Variants in WDFY3 observed in about 807,000 individuals in gnomAD.
The protein encoded by WDFY3 is WD repeat and FYVE domain-containing protein 3.
In WDFY3, 66 loss-of-function variants were observed where a neutral mutation model predicts 409.6. The ratio of observed to expected loss-of-function variants is 0.16; its 90% CI spans 0.13 to 0.20. WDFY3 has a LOEUF of 0.20. Among genes scored for constraint, WDFY3 ranks in the 10% least tolerant of loss-of-function variants. The probability of loss-of-function intolerance (pLI) is 1.00; values close to 1 mark genes in which losing one functional copy is unlikely to be tolerated. For missense variants in WDFY3, 3,031 were observed against 4,298.1 expected (o/e 0.71, Z 8.24); for synonymous variants, 1,521 against 1,537.1 (o/e 0.99, Z 0.25).
intron 2 of WDFY3, among the ~76,000 whole-genome samples, chr4:84,908,173 C>T (rs1310121672): frequency 6.6e-6 from 1 of 152,100 alleles, no homozygotes; most frequent in Non-Finnish European, 1.5e-5. Flanking sequence ...ACTCTTGCTG[C>T]AGTATGGAAA....
At chr4:84,798,767 A>G (rs1017220329) in intron 17 of WDFY3, among the ~76,000 whole-genome samples, 4 of 152,160 alleles carry the variant, frequency 2.6e-5, no homozygotes, top group Non-Finnish European at 4.4e-5. Flanking sequence ...CAGAGTCTTA[A>G]TTACCTCCTG....
At chr4:84,761,619 A>C (rs1742609885) in intron 32 of WDFY3, among the ~76,000 whole-genome samples, 1 of 152,188 alleles carries the variant, frequency 6.6e-6, no homozygotes, top group Non-Finnish European at 1.5e-5. Flanking sequence ...AATGGGATCT[A>C]ATTAAACTAA....
Position 84,797,795 on chromosome 4 carries a change from A to T in WDFY3, c.2935+201T>A, listed in dbSNP as rs2170935. ...AGACGGGGTTTCACCATGGTCTCGA[A>T]CTCCCGACCTCGTGATCCGCCCGTC... On this transcript the variant is annotated intron_variant, in intron 18 of 67. Coordinates refer to ENST00000295888, the MANE Select transcript of WDFY3 (RefSeq NM_014991.6). 0.45 allele frequency among the ~76,000 whole-genome samples: 67,603 copies of T among 151,184 alleles called. 15,675 individuals carry two copies. Among genetic ancestry groups the T allele is most frequent in the African/African-American group, 0.55 (22,628 of 41,202 alleles).
rs776617997 is a variant in WDFY3, at chr4:84,743,704, T to C, written c.6069A>G (p.Leu2023=). ...VMDHLLAADV[L]LGEDASLPIT... ...AAAATAAAAACACAGAATTACCTAA[T>C]AACACATCAGCTGCAAGCAAATGGT... The change falls in exon 37 of 68, where the codon TTA becomes TTG. Residue 2023 remains leucine, a synonymous_variant. Coordinates refer to ENST00000295888, the MANE Select transcript of WDFY3 (RefSeq NM_014991.6). The C allele has an allele frequency of 1.0e-5, 16 of 1,558,836 alleles. No individual in the cohort carries two copies. Among genetic ancestry groups the C allele is most frequent in the Non-Finnish European group, 1.2e-5 (14 of 1,148,542 alleles).
chr4:84,924,289 T>C (rs926200727), intron 2 of WDFY3, among the ~76,000 whole-genome samples: 6 of 152,266 alleles, frequency 3.9e-5, no homozygotes, highest in African/African-American at 1.4e-4. Context: ...GTTTCTACAA[T>C]GTAAAATGAA....
At chr4:84,932,190 G>C (rs1432066175) in intron 2 of WDFY3, 80 bp downstream of exon 2, 1 of 152,106 alleles carries the variant, frequency 6.6e-6, no homozygotes, top group African/African-American at 2.4e-5. Context: ...TGGTCTTGCT[G>C]CTGCACAATA....
intron 2 of WDFY3, among the ~76,000 whole-genome samples, chr4:84,905,019 C>T (rs930134389): frequency 1.6e-4 from 24 of 151,626 alleles, no homozygotes; most frequent in Admixed American, 9.9e-4. Flanking sequence ...TACAGTCTCT[C>T]GTCTGCGCAC....
chr4:84,884,670 T>A (rs1189868144), intron 3 of WDFY3, among the ~76,000 whole-genome samples: 1 of 152,166 alleles, frequency 6.6e-6, no homozygotes, highest in Non-Finnish European at 1.5e-5. Flanking sequence ...TTAAATTATA[T>A]AATTTTTAGA....
intron 1 of WDFY3, among the ~76,000 whole-genome samples, chr4:84,956,476 C>T (rs1303558273): frequency 6.6e-6 from 1 of 152,170 alleles, no homozygotes; most frequent in African/African-American, 2.4e-5. Flanking sequence ...TTCTGGGCCT[C>T]TGAAGTGCCA....
chr4:84,737,188 A>G lies in WDFY3; in HGVS notation c.6753T>C (p.His2251=). The part of the protein sequence containing the change: ...EEAALKCWQN[H]LAHEKKCISR... ...TATGATCTCTGTAGGCCTTACCCAA[A>G]TGATTCTGCCAGCACTTCAGGGCAG... is the stretch of plus-strand genomic sequence containing the variant. Residue 2251 remains histidine, a synonymous_variant, in exon 41 of 68, where the codon CAT becomes CAC. Coordinates refer to ENST00000295888, the MANE Select transcript of WDFY3 (RefSeq NM_014991.6). 1.2e-6 allele frequency: 2 copies of G among 1,614,124 alleles called. No homozygotes were observed. The highest frequency in any genetic ancestry group is 1.7e-6 in the Non-Finnish European group (2 of 1,180,016).
intron 44 of WDFY3, among the ~76,000 whole-genome samples, chr4:84,730,843 C>G (rs1736477662): frequency 6.6e-6 from 1 of 151,870 alleles, no homozygotes; most frequent in African/African-American, 2.4e-5. Context: ...TCTTGTTGCC[C>G]AGGCTAGAGT....
At chr4:84,693,245 AC>A (rs542982652) in intron 58 of WDFY3, among the ~76,000 whole-genome samples, 2 of 152,242 alleles carry the variant, frequency 1.3e-5, no homozygotes, top group South Asian at 4.1e-4. Context: ...GGACTATGAT[AC>A]TAAAGCATGG....
chr4:84,806,339 T>C (rs1288782171), intron 15 of WDFY3, among the ~76,000 whole-genome samples: 3 of 152,164 alleles, frequency 2.0e-5, no homozygotes, highest in Non-Finnish European at 4.4e-5. Flanking sequence ...ATCTTAGTAT[T>C]AGCATGAACA....
At chr4:84,697,852 C>G (rs184395141) in intron 56 of WDFY3, among the ~76,000 whole-genome samples, 2 of 152,232 alleles carry the variant, frequency 1.3e-5, no homozygotes, top group South Asian at 2.1e-4. Context: ...CAAGTGGAAG[C>G]GAATAAAATA....
At position 84,789,816 on chromosome 4, in the gene WDFY3, C is replaced by A; in HGVS notation, c.3579G>T (p.Trp1193Cys). The part of the protein sequence containing the change: ...RCGELIIEGQ[W>C]HHLVLVMSKG... ...TGCTCATTACCAGGACCAAATGATG[C>A]CACTGTCCCTCAATGATAAGCTCTC... The change falls in exon 22 of 68, where the codon TGG becomes TGT. Residue 1193 changes from tryptophan to cysteine, a missense_variant. By Grantham distance (215) the Trp-to-Cys change is radical. Coordinates refer to ENST00000295888, the MANE Select transcript of WDFY3 (RefSeq NM_014991.6). The A allele has an allele frequency of 1.2e-6, 2 of 1,614,016 alleles. No individual in the cohort carries two copies. Among genetic ancestry groups the A allele is most frequent in the Non-Finnish European group, 1.7e-6 (2 of 1,180,006 alleles).
chr4:84,751,264 A>G, intron 36 of WDFY3: 1 of 580,114 alleles, frequency 1.7e-6, no homozygotes, highest in Admixed American at 3.0e-5. Context: ...AAAGGATGAT[A>G]AAGGACTGAA....
At chr4:84,889,986 G>C (rs1239891738) in intron 3 of WDFY3, among the ~76,000 whole-genome samples, 1 of 152,130 alleles carries the variant, frequency 6.6e-6, no homozygotes, top group African/African-American at 2.4e-5. Flanking sequence ...CTCCTGTAAT[G>C]GGCTTTCATG....
intron 40 of WDFY3, among the ~76,000 whole-genome samples, chr4:84,738,442 C>A (rs1737835724): frequency 2.0e-5 from 3 of 150,642 alleles, no homozygotes; most frequent in Admixed American, 1.3e-4. Flanking sequence ...ACTAAAAATA[C>A]AAAAAAAAAT....
chr4:84,784,110 C>T (rs1747057028), intron 24 of WDFY3, among the ~76,000 whole-genome samples: 1 of 152,106 alleles, frequency 6.6e-6, no homozygotes, highest in Non-Finnish European at 1.5e-5. Context: ...CAACATTAAG[C>T]CCTCCTGGTT....
Sources: gnomAD v4.1 joint callset for allele counts (sites outside exome capture counted in the v4.1 genomes callset) on GRCh38, gnomAD v4.1.1 for gene constraint, MANE v1.5 for transcripts, NCBI Gene and HGNC (gene_info 2026-07-23, HGNC 2026-07-21) for gene names.